Variants in HDAC9 observed in about 807,000 individuals in gnomAD.
The protein encoded by HDAC9 is histone deacetylase 9.
Under a neutral mutation model 139.4 loss-of-function variants are expected in HDAC9, and 41 were observed. The ratio of observed to expected loss-of-function variants is 0.29; its 90% CI spans 0.23 to 0.38. The LOEUF (loss-of-function observed/expected upper bound fraction) is 0.38, where lower values mean the gene tolerates loss of function less well. Among genes scored for constraint, HDAC9 ranks in the 10% least tolerant of loss-of-function variants. The pLI is 1.00. For synonymous variants in HDAC9, 517 were observed against 476.2 expected (o/e 1.09, Z -1.12); for missense variants, 1,147 against 1,297.0 (o/e 0.88, Z 1.78).
chr7:18,890,817 A>C (rs541802584), intron 22 of HDAC9, among the ~76,000 whole-genome samples: 8 of 152,370 alleles, frequency 5.3e-5, no homozygotes, highest in African/African-American at 1.7e-4. Context: ...GCACCGTAAT[A>C]TAAACTTTAA....
At chr7:18,865,898 A>G (rs1015101115) in intron 21 of HDAC9, among the ~76,000 whole-genome samples, 14 of 151,948 alleles carry the variant, frequency 9.2e-5, no homozygotes, top group Admixed American at 4.6e-4. Context: ...TAGACTATAG[A>G]GAAAAAAGGT....
intron 22 of HDAC9, among the ~76,000 whole-genome samples, chr7:18,924,224 T>G (rs1482534866): frequency 6.6e-6 from 1 of 152,102 alleles, no homozygotes; most frequent in South Asian, 2.1e-4. Context: ...TTTGCAAATA[T>G]TCTTTAAGTA....
At chr7:18,693,633 A>G (rs1248114102) in intron 12 of HDAC9, among the ~76,000 whole-genome samples, 1 of 152,168 alleles carries the variant, frequency 6.6e-6, no homozygotes. Context: ...TGTTCCAGCT[A>G]CAAGTTTCAC....
At chr7:18,876,282 C>T (rs936743021) in intron 22 of HDAC9, among the ~76,000 whole-genome samples, 3 of 152,052 alleles carry the variant, frequency 2.0e-5, no homozygotes, top group African/African-American at 7.2e-5. Context: ...TCATTGTGTT[C>T]CATCTCAGAA....
chr7:18,087,915 T>A (rs935789574), intron 1 of HDAC9: 2 of 152,268 alleles, frequency 1.3e-5, no homozygotes, highest in Non-Finnish European at 1.5e-5. Flanking sequence ...CCTGTGTGTC[T>A]GTGATGTGAC....
intron 22 of HDAC9, 109 bp from the exon 23 acceptor site, chr7:18,935,700 C>T: frequency 1.0e-6 from 1 of 957,208 alleles, no homozygotes; most frequent in East Asian, 2.4e-5. Context: ...AGTTAGCACA[C>T]AGAAAATGCT....
chr7:18,422,136 G>C (rs1373397094), intron 1 of HDAC9, among the ~76,000 whole-genome samples: 1 of 152,154 alleles, frequency 6.6e-6, no homozygotes, highest in African/African-American at 2.4e-5. Context: ...CTTGGTTCTA[G>C]TTTATTCTCC....
Position 18,666,376 on chromosome 7 carries a change from A to T in HDAC9, c.1631A>T (p.Gln544Leu). ...GCTTGTGTGGATGACACACTGGGAC[A>T]AGTTGGGGCTGTGAAGGTCAAGGAG... The part of the protein sequence containing the change: ...SSACVDDTLG[Q>L]VGAVKVKEEP... Residue 544 changes from glutamine to leucine, a missense_variant, in exon 12 of 26, where the codon CAA becomes CTA. Gln to Leu is a moderately radical substitution (Grantham distance 113). Transcript: ENST00000686413. 6.2e-7 allele frequency: 1 copy of T among 1,613,282 alleles called. No individual in the cohort carries two copies. The highest frequency in any genetic ancestry group is 8.5e-7 in the Non-Finnish European group (1 of 1,179,596).
At chr7:18,357,196 T>C (rs528228982) in intron 1 of HDAC9, among the ~76,000 whole-genome samples, 156 of 152,278 alleles carry the variant, frequency 1.0e-3, no homozygotes, top group Non-Finnish European at 1.6e-3. Context: ...CACTATGTCT[T>C]ATTGTTACTT....
chr7:18,939,110 C>T (rs1781851505), intron 23 of HDAC9, among the ~76,000 whole-genome samples: 1 of 152,110 alleles, frequency 6.6e-6, no homozygotes, highest in South Asian at 2.1e-4. Flanking sequence ...TATTATGATG[C>T]CCTAAATACC....
chr7:18,272,379 C>T (rs768742081), intron 2 of HDAC9, among the ~76,000 whole-genome samples: 6 of 152,062 alleles, frequency 3.9e-5, no homozygotes, highest in Admixed American at 1.3e-4. Flanking sequence ...GCAGCAAAAC[C>T]TTTCTAAGAA....
At chr7:18,828,939 G>A (rs766693124) in intron 17 of HDAC9, among the ~76,000 whole-genome samples, 93 of 152,266 alleles carry the variant, frequency 6.1e-4, no homozygotes, top group African/African-American at 1.9e-3. Context: ...CCCCCGACTC[G>A]GAGCCTTCTT....
chr7:18,519,598 A>G (rs1304735304), intron 2 of HDAC9, among the ~76,000 whole-genome samples: 1 of 152,148 alleles, frequency 6.6e-6, no homozygotes, highest in Non-Finnish European at 1.5e-5. Context: ...TGACTAGATA[A>G]TGCTTAGTGT....
At chr7:18,758,972 C>G (rs1193672325) in intron 14 of HDAC9, among the ~76,000 whole-genome samples, 3 of 149,718 alleles carry the variant, frequency 2.0e-5, no homozygotes, top group East Asian at 3.9e-4. Context: ...TAATAAGAGC[C>G]AGTGTAAAAT....
At chr7:18,758,177 C>T (rs777427211) in intron 14 of HDAC9, among the ~76,000 whole-genome samples, 4 of 152,102 alleles carry the variant, frequency 2.6e-5, no homozygotes, top group Non-Finnish European at 5.9e-5. Flanking sequence ...CATTTAAGAC[C>T]CGTATTGACT....
At chr7:18,680,521 A>T (rs1308274696) in intron 12 of HDAC9, among the ~76,000 whole-genome samples, 1 of 151,918 alleles carries the variant, frequency 6.6e-6, no homozygotes, top group Non-Finnish European at 1.5e-5. Flanking sequence ...ACGGCCCCTA[A>T]AGTGAATTTG....
intron 1 of HDAC9, among the ~76,000 whole-genome samples, chr7:18,103,955 T>C (rs1783021400): frequency 6.6e-6 from 1 of 152,206 alleles, no homozygotes; most frequent in East Asian, 1.9e-4. Flanking sequence ...GGGCACCAGT[T>C]GGGAACCAGC....
intron 2 of HDAC9, among the ~76,000 whole-genome samples, chr7:18,554,396 C>T (rs1167808638): frequency 2.2e-5 from 3 of 134,940 alleles, no homozygotes; most frequent in Admixed American, 8.4e-5. Flanking sequence ...CGTGCAGTGG[C>T]GCGATCTCGG....
At chr7:18,184,516 C>G (rs1789753561) in intron 2 of HDAC9, among the ~76,000 whole-genome samples, 1 of 152,150 alleles carries the variant, frequency 6.6e-6, no homozygotes, top group South Asian at 2.1e-4. Context: ...TAATTTTATT[C>G]AATATTTTAA....
Sources: gnomAD v4.1 joint callset for allele counts (sites outside exome capture counted in the v4.1 genomes callset) on GRCh38, gnomAD v4.1.1 for gene constraint, MANE v1.5 for transcripts, NCBI Gene and HGNC (gene_info 2026-07-23, HGNC 2026-07-21) for gene names.